SYT1: variants seen among roughly 807,000 people sequenced by gnomAD.
SYT1 encodes the protein synaptotagmin-1.
Under a neutral mutation model 44.8 loss-of-function variants are expected in SYT1, and 8 were observed. That is an observed-to-expected ratio of 0.18 (90% CI 0.10 to 0.32). The LOEUF (loss-of-function observed/expected upper bound fraction) is 0.32, where lower values mean the gene tolerates loss of function less well. SYT1 is among the 10% of genes least tolerant of loss of function. The pLI, the probability that SYT1 is intolerant of heterozygous loss-of-function variation, is 1.00. For missense variants in SYT1, 286 were observed against 509.3 expected, an observed-to-expected ratio of 0.56 and a Z score of 4.22; for synonymous variants, 154 against 188.8, an observed-to-expected ratio of 0.82 and a Z score of 1.51.
At chr12:78,864,355 A>T (rs1356042867), upstream of SYT1, 4 of 28,862 alleles carry the variant, frequency 1.4e-4, no homozygotes, top group South Asian at 4.4e-4. Context: ...GATTGAGAGT[A>T]AAAAAAAAAA....
Position 79,093,792 on chromosome 12 carries a change from A to G in SYT1, c.-18+46430A>G, listed in dbSNP as rs565339709. ...CATCCTAGTTTCCTTCTACACTTACATACAGAATTTTTTATCTTATTTCTA... is the reference window on the plus strand; with the variant it reads ...CATCCTAGTTTCCTTCTACACTTACGTACAGAATTTTTTATCTTATTTCTA... On this transcript the variant is annotated intron_variant, in intron 3 of 10. Transcript: ENST00000261205. Among the ~76,000 whole-genome samples, 128 of 151,866 alleles carry G rather than the reference A, an allele frequency of 8.4e-4. 1 individual carries two copies. Among genetic ancestry groups the G allele is most frequent in the South Asian group, 6.2e-3 (30 of 4,828 alleles).
intron 1 of SYT1, among the ~76,000 whole-genome samples, chr12:78,958,378 C>T (rs1294320656): frequency 1.3e-5 from 2 of 151,418 alleles, no homozygotes; most frequent in Non-Finnish European, 2.9e-5. Context: ...CAGTTATGTT[C>T]AGGAACAGGC....
At chr12:79,355,524 C>A (rs1431887788) in intron 9 of SYT1, among the ~76,000 whole-genome samples, 1 of 151,998 alleles carries the variant, frequency 6.6e-6, no homozygotes, top group Non-Finnish European at 1.5e-5. Flanking sequence ...CCTGAAAAGC[C>A]CTAATTTTAA....
At chr12:79,398,532 C>T (rs1016349292) in intron 9 of SYT1, among the ~76,000 whole-genome samples, 3 of 152,022 alleles carry the variant, frequency 2.0e-5, no homozygotes, top group Non-Finnish European at 1.5e-5. Flanking sequence ...ATAAAGTAAA[C>T]GTTTAACAGA....
intron 9 of SYT1, among the ~76,000 whole-genome samples, chr12:79,429,216 T>G (rs58219573): frequency 1.2e-3 from 189 of 152,260 alleles, no homozygotes; most frequent in African/African-American, 4.4e-3. Flanking sequence ...ATTTTTTGTT[T>G]TTGTTTTTGA....
At chr12:79,262,238 G>A (rs926016079) in intron 4 of SYT1, among the ~76,000 whole-genome samples, 2 of 151,884 alleles carry the variant, frequency 1.3e-5, no homozygotes, top group Non-Finnish European at 2.9e-5. Context: ...TTGTTTTATA[G>A]CATGGTTGGA....
intron 9 of SYT1, among the ~76,000 whole-genome samples, chr12:79,416,298 T>C (rs1269497130): frequency 1.3e-5 from 2 of 152,176 alleles, no homozygotes; most frequent in African/African-American, 4.8e-5. Context: ...GTATGGTAGA[T>C]ATTTGCCTGG....
intron 1 of SYT1, among the ~76,000 whole-genome samples, chr12:78,969,788 G>A (rs369848150): frequency 6.6e-6 from 1 of 152,140 alleles, no homozygotes; most frequent in Non-Finnish European, 1.5e-5. Context: ...GGGAGGTGAC[G>A]TGCTTTATCA....
rs1592864907 is a variant in SYT1, at chr12:79,219,603, T to G, written c.166+1918T>G. 2.0e-5 allele frequency among the ~76,000 whole-genome samples: 3 copies of G among 152,256 alleles called. No individual in the cohort carries two copies. In the South Asian group the frequency reaches 6.2e-4, roughly 32 times the overall value. ...CCAACACCATTTACTAAAGAGGCTGTTCTTTCTCCATTGTGGGTTCTTGGC... is the reference window on the plus strand; with the variant it reads ...CCAACACCATTTACTAAAGAGGCTGGTCTTTCTCCATTGTGGGTTCTTGGC... On this transcript the variant is annotated intron_variant, in intron 4 of 10. Coordinates refer to ENST00000261205, the MANE Select transcript of SYT1 (RefSeq NM_005639.3).
At chr12:78,873,981 G>A (rs1021782907) in intron 1 of SYT1, among the ~76,000 whole-genome samples, 4 of 151,490 alleles carry the variant, frequency 2.6e-5, no homozygotes, top group African/African-American at 7.3e-5. Flanking sequence ...AGTTGGGAAG[G>A]GCCTATAGAA....
At chr12:78,875,036 A>G (rs1043160452) in intron 1 of SYT1, among the ~76,000 whole-genome samples, 3 of 151,644 alleles carry the variant, frequency 2.0e-5, no homozygotes, top group African/African-American at 7.2e-5. Context: ...TTGCAGAGCC[A>G]CTTGCGTGTA....
intron 3 of SYT1, among the ~76,000 whole-genome samples, chr12:79,162,751 G>A (rs1263354558): frequency 1.3e-5 from 2 of 152,044 alleles, no homozygotes; most frequent in Admixed American, 1.3e-4. Context: ...TTACAAAGAA[G>A]CAGCAATTTT....
At chr12:79,075,836 C>T (rs1250488510) in intron 3 of SYT1, among the ~76,000 whole-genome samples, 1 of 151,696 alleles carries the variant, frequency 6.6e-6, no homozygotes, top group Non-Finnish European at 1.5e-5. Context: ...TTTTGAAAAC[C>T]CCAAGAAAAG....
chr12:79,020,772 C>G (rs1872140545), intron 2 of SYT1, among the ~76,000 whole-genome samples: 1 of 151,850 alleles, frequency 6.6e-6, no homozygotes, highest in Admixed American at 6.6e-5. Flanking sequence ...GTTTAAATAG[C>G]ATTTACTCTA....
At chr12:79,442,507 C>A (rs1008377895) in intron 9 of SYT1, among the ~76,000 whole-genome samples, 4 of 152,052 alleles carry the variant, frequency 2.6e-5, no homozygotes, top group Admixed American at 6.6e-5. Context: ...TTAAAAAAAT[C>A]TCCTAACAAC....
chr12:79,124,532 A>G (rs1868342795), intron 3 of SYT1, among the ~76,000 whole-genome samples: 1 of 149,770 alleles, frequency 6.7e-6, no homozygotes, highest in East Asian at 1.9e-4. Context: ...TACTCTCACC[A>G]TCATCATCAT....
intron 3 of SYT1, among the ~76,000 whole-genome samples, chr12:79,167,030 A>G (rs1871259656): frequency 6.6e-6 from 1 of 152,106 alleles, no homozygotes. Context: ...AGTGTAACAG[A>G]TTGTTAATAG....
intron 4 of SYT1, among the ~76,000 whole-genome samples, chr12:79,270,544 GA>G (rs1878367967): frequency 1.3e-5 from 2 of 152,148 alleles, no homozygotes; most frequent in Admixed American, 6.6e-5. Flanking sequence ...CTCATCCTGT[GA>G]AAAAGATATG....
rs578240288 is a variant in SYT1 at position 78,910,691 on chromosome 12, C to A, written c.-217+45582C>A. 3.3e-5 allele frequency among the ~76,000 whole-genome samples: 5 copies of A among 151,842 alleles called. No individual in the cohort carries two copies. The South Asian group carries it at 1.0e-3, about 31-fold the overall frequency. On this transcript the variant is annotated intron_variant, in intron 1 of 10. Transcript: ENST00000261205. ...TAATTAGATAATTATTGCAAAAACA[C>A]GCAAAGTTACAACTCTGAAAAATTC...
Sources: gnomAD v4.1 joint callset for allele counts (sites outside exome capture counted in the v4.1 genomes callset) on GRCh38, gnomAD v4.1.1 for gene constraint, MANE v1.5 for transcripts, NCBI Gene and HGNC (gene_info 2026-07-23, HGNC 2026-07-21) for gene names.